The following HNRNPA1 variants were observed in gnomAD, a reference collection of about 807,000 sequenced individuals.
HNRNPA1 encodes the protein epididymis secretory sperm binding protein.
In HNRNPA1, 7 loss-of-function variants were observed where a neutral mutation model predicts 44.4. The ratio of observed to expected loss-of-function variants is 0.16; its 90% CI spans 0.09 to 0.30. The LOEUF is 0.30. HNRNPA1 is among the 10% of genes least tolerant of loss of function. HNRNPA1 has a pLI of 1.00. For missense variants in HNRNPA1, 193 were observed against 465.8 expected, an observed-to-expected ratio of 0.41 and a Z score of 5.39; for synonymous variants, 169 against 160.6, an observed-to-expected ratio of 1.05 and a Z score of -0.40.
At position 54,281,371 on chromosome 12, in the gene HNRNPA1, CT is replaced by C; in HGVS notation, c.16-14del. 7.0e-7 allele frequency: 1 copy of C among 1,430,968 alleles called. No individual in the cohort carries two copies. The highest frequency in any genetic ancestry group is 1.2e-5 in the South Asian group (1 of 84,230). 88.6% of individuals were successfully genotyped at this position (1,430,968 alleles called of 1,614,324 possible). ...GTTGTAGCCCATTTAACACTTCCCC[CT>C]CCCCCCACTCTAGTCTCCTAAAGAG... On this transcript the variant is annotated splice_polypyrimidine_tract_variant and intron_variant, in intron 1 of 10. Coordinates refer to ENST00000340913, the MANE Select transcript of HNRNPA1 (RefSeq NM_031157.4).
intron 6 of HNRNPA1, 65 bp downstream of exon 6, chr12:54,282,730 T>C: frequency 1.3e-6 from 2 of 1,590,704 alleles, no homozygotes; most frequent in Non-Finnish European, 1.7e-6. Flanking sequence ...GATTTTACAG[T>C]ACGGGAACTG....
Position 54,287,007 on chromosome 12 carries a change from T to C in HNRNPA1, c.*2463T>C, listed in dbSNP as rs77993769. ...CCACTGTACTTCGTTATCACTGCCA[T>C]GCAGTTTACATGAGCTGTTCTGCAG... On this transcript the variant is annotated 3_prime_UTR_variant, in exon 11 of 11. Transcript: ENST00000340913. 3.3e-5 allele frequency: 5 copies of C among 152,268 alleles called. No homozygotes were observed. In the East Asian group the frequency reaches 9.6e-4, roughly 29 times the overall value. 9.4% of individuals were successfully genotyped at this position (152,268 alleles called of 1,614,324 possible). A position where few individuals can be genotyped will look rare whatever the true frequency, so the allele number is the denominator to read the frequency against.
chr12:54,283,617 G>A, intron 8 of HNRNPA1, 195 bp from the exon 9 acceptor site: 1 of 629,906 alleles, frequency 1.6e-6, no homozygotes. Context: ...GGTGAGTTAG[G>A]CCAGTTTTCT....
intron 1 of HNRNPA1, 70 bp from the exon 2 acceptor site, chr12:54,281,316 T>G: frequency 1.1e-6 from 1 of 872,490 alleles, no homozygotes; most frequent in Admixed American, 2.1e-5. Flanking sequence ...GGTGTCTAGT[T>G]TTTCTTTTCC....
intron 9 of HNRNPA1, 39 bp downstream of exon 9, chr12:54,284,006 T>C (rs1944223871): frequency 5.6e-6 from 9 of 1,597,586 alleles, no homozygotes; most frequent in Non-Finnish European, 6.8e-6. Flanking sequence ...GTCAAAAGAG[T>C]GTCTGTAGCT....
Position 54,283,065 on chromosome 12 carries a change from T to TA in HNRNPA1, c.752-14_752-13insA, listed in dbSNP as rs1565880941. The TA allele has an allele frequency of 1.2e-6, 2 of 1,611,656 alleles. No homozygotes were observed. Among genetic ancestry groups the TA allele is most frequent in the African/African-American group, 2.7e-5 (2 of 74,856 alleles). ...AATACTTTTGTCTTATTGAGAAGAATTGTATTCTTGTAGGTGGTTATGGAG... is the reference window on the plus strand; with the variant it reads ...AATACTTTTGTCTTATTGAGAAGAATATGTATTCTTGTAGGTGGTTATGGAG... On this transcript the variant is annotated splice_polypyrimidine_tract_variant and intron_variant, in intron 7 of 10. Transcript: ENST00000340913.
chr12:54,284,235 A>T, intron 9 of HNRNPA1, 23 bp from the exon 10 acceptor site: 1 of 1,611,050 alleles, frequency 6.2e-7, no homozygotes, highest in Non-Finnish European at 8.5e-7. Flanking sequence ...TTGAAACTTT[A>T]AAAGAAAAAT....
intron 9 of HNRNPA1, 77 bp from the exon 10 acceptor site, chr12:54,284,181 T>A: frequency 6.6e-7 from 1 of 1,504,932 alleles, no homozygotes; most frequent in Non-Finnish European, 9.2e-7. Flanking sequence ...ACACTTGAAT[T>A]TAACTTTTAT....
At chr12:54,281,337 T>G in intron 1 of HNRNPA1, 49 bp from the exon 2 acceptor site, 2 of 998,792 alleles carry the variant, frequency 2.0e-6, no homozygotes, top group Non-Finnish European at 3.1e-6. Flanking sequence ...TCGATGGAAA[T>G]TGTTTCGTGT....
intron 1 of HNRNPA1, chr12:54,281,035 T>C: frequency 2.8e-6 from 2 of 711,400 alleles, no homozygotes; most frequent in Non-Finnish European, 5.2e-6. Flanking sequence ...GCGGGACTCG[T>C]TACTCGTAGC....
chr12:54,281,070 TTG>T, intron 1 of HNRNPA1: 1 of 703,990 alleles, frequency 1.4e-6, no homozygotes, highest in Non-Finnish European at 2.6e-6. Flanking sequence ...CACAGGATCT[TTG>T]TCTTTTTTTA....
At chr12:54,281,355 C>T (rs1271826103) in intron 1 of HNRNPA1, 31 bp from the exon 2 acceptor site, 4 of 1,166,264 alleles carry the variant, frequency 3.4e-6, no homozygotes, top group Admixed American at 1.9e-5. Flanking sequence ...TGTTGTAGCC[C>T]ATTTAACACT....
chr12:54,284,132 A>AC, intron 9 of HNRNPA1, 126 bp from the exon 10 acceptor site: 1 of 1,247,128 alleles, frequency 8.0e-7, no homozygotes, highest in South Asian at 1.4e-5. Context: ...GGACCTCTTT[A>AC]CCACCTCCCT....
At chr12:54,283,329 G>A (rs1944209339) in intron 8 of HNRNPA1, 95 bp downstream of exon 8, 2 of 1,378,026 alleles carry the variant, frequency 1.5e-6, no homozygotes, top group Admixed American at 4.2e-5. Flanking sequence ...GTGGTACACT[G>A]CATGGTATAT....
At chr12:54,283,318 T>G in intron 8 of HNRNPA1, 84 bp downstream of exon 8, 1 of 1,431,694 alleles carries the variant, frequency 7.0e-7, no homozygotes, top group Non-Finnish European at 9.7e-7. Context: ...TGAAGCATTG[T>G]GTGGTACACT....
chr12:54,282,267 T>G lies in HNRNPA1; in HGVS notation c.457T>G (p.Phe153Val). The G allele has an allele frequency of 6.2e-7, 1 of 1,613,386 alleles. No homozygotes were observed. Among genetic ancestry groups the G allele is most frequent in the Non-Finnish European group, 8.5e-7 (1 of 1,179,952 alleles). The change falls in exon 4 of 11, where the codon TTT (phenylalanine) becomes GTT (valine). Residue 153 changes from phenylalanine to valine, a missense_variant. Transcript: ENST00000340913. Reference protein sequence around the residue: ...GKKRGFAFVTFDDHDSVDKIV... With the variant: ...GKKRGFAFVTVDDHDSVDKIV... ...GAAAAGGGGCTTTGCCTTTGTAACC[T>G]TTGACGACCATGACTCCGTGGATAA...
intron 10 of HNRNPA1, 28 bp downstream of exon 10, chr12:54,284,345 CATA>C: frequency 6.3e-7 from 1 of 1,599,362 alleles, no homozygotes; most frequent in Non-Finnish European, 8.6e-7. Context: ...TGTGTGTTGA[CATA>C]ATTTTTTAAA....
Position 54,282,597 on chromosome 12 carries a change from G to C in HNRNPA1, c.608G>C (p.Gly203Ala). ...GGTCGAAGTGGTTCTGGAAACTTTG[G>C]TGGTGGTCGTGGAGGTGGTTTCGGT... The part of the protein sequence containing the change: ...QRGRSGSGNF[G>A]GGRGGGFGGN... Residue 203 changes from glycine (G) to alanine (A), a missense_variant, in exon 6 of 11, where the codon GGT becomes GCT. By Grantham distance (60) the Gly-to-Ala change is moderately conservative. Around this residue, in one of 2 missense-constraint regions of HNRNPA1, gnomAD observed 136 missense variants for 234.4 expected, o/e 0.58. Transcript: ENST00000340913. 6.2e-7 allele frequency: 1 copy of C among 1,613,960 alleles called. No individual in the cohort carries two copies. The highest frequency in any genetic ancestry group is 1.1e-5 in the South Asian group (1 of 91,068).
Position 54,283,654 on chromosome 12 carries a change from T to C in HNRNPA1, c.908-158T>C, listed in dbSNP as rs140902631. ...TGTATTACTGGATTATTCAACTGAA[T>C]GCCTTTCCCAGAGAATGAAATGCAA... On this transcript the variant is annotated intron_variant, in intron 8 of 10. Coordinates refer to ENST00000340913, the MANE Select transcript of HNRNPA1 (RefSeq NM_031157.4). The C allele has an allele frequency of 4.8e-5, 35 of 726,564 alleles. No homozygotes were observed. The African/African-American group carries it at 5.1e-4, about 11-fold the overall frequency. 45.0% of individuals were successfully genotyped at this position (726,564 alleles called of 1,614,324 possible). A position where few individuals can be genotyped will look rare whatever the true frequency, so the allele number is the denominator to read the frequency against.
Sources: allele counts gnomAD v4.1 joint callset, GRCh38; gene constraint gnomAD v4.1.1; regional missense constraint gnomAD v4.1.1; transcripts MANE v1.5; gene names NCBI Gene and HGNC (gene_info 2026-07-23, HGNC 2026-07-21).